The following DOCK10 variants were observed in gnomAD, a reference collection of about 807,000 sequenced individuals.
The protein encoded by DOCK10 is dedicator of cytokinesis protein 10.
DOCK10 carries 145 observed loss-of-function variants against 280.1 expected under a neutral mutation model. The ratio of observed to expected loss-of-function variants is 0.52; its 90% CI spans 0.45 to 0.59. The LOEUF (loss-of-function observed/expected upper bound fraction) is 0.59. Ranked by LOEUF, DOCK10 falls within the 20% of genes least tolerant of loss-of-function variation. DOCK10 has a pLI of 0.00. For missense variants in DOCK10, 2,368 were observed against 2,651.7 expected (o/e 0.89, Z 2.35); for synonymous variants, 915 against 942.2 (o/e 0.97, Z 0.53).
chr2:224,817,307 G>A (rs1437978783), intron 29 of DOCK10, among the ~76,000 whole-genome samples: 1 of 152,140 alleles, frequency 6.6e-6, no homozygotes, highest in African/African-American at 2.4e-5. Context: ...AAGTAACACA[G>A]GAGTCAAGAA....
intron 1 of DOCK10, among the ~76,000 whole-genome samples, chr2:224,980,567 G>A (rs929368190): frequency 3.3e-5 from 5 of 152,152 alleles, no homozygotes; most frequent in Admixed American, 2.6e-4. Context: ...TGTGAATTTT[G>A]GAGTGGCCCA....
At chr2:224,936,640 A>G (rs1702710183) in intron 1 of DOCK10, among the ~76,000 whole-genome samples, 1 of 152,194 alleles carries the variant, frequency 6.6e-6, no homozygotes, top group African/African-American at 2.4e-5. Flanking sequence ...TTGTTCAATA[A>G]AGTAGTAATA....
intron 25 of DOCK10, among the ~76,000 whole-genome samples, chr2:224,837,419 C>T (rs781654744): frequency 1.3e-5 from 2 of 152,200 alleles, no homozygotes; most frequent in Admixed American, 1.3e-4. Flanking sequence ...ATTCAACAAA[C>T]CAACAGGAAA....
chr2:224,994,127 A>G (rs1268711996), intron 1 of DOCK10, among the ~76,000 whole-genome samples: 4 of 152,230 alleles, frequency 2.6e-5, no homozygotes, highest in Non-Finnish European at 4.4e-5. Context: ...GATTTTTTAA[A>G]AGAGTAGCCT....
chr2:225,015,893 CAAAATGTCAACTAAATAAAAT>C (rs1689576990), intron 1 of DOCK10, among the ~76,000 whole-genome samples: 2 of 152,006 alleles, frequency 1.3e-5, no homozygotes, highest in South Asian at 2.1e-4. Context: ...GGGGGAATGT[CAAAATGTCAACTAAATAAAAT>C]AAAATGTTAC....
chr2:224,833,486 A>T (rs1341014535), intron 26 of DOCK10, among the ~76,000 whole-genome samples: 3 of 144,850 alleles, frequency 2.1e-5, no homozygotes, highest in South Asian at 2.2e-4. Flanking sequence ...TCGCCTTCAA[A>T]TTTTTTTTTT....
intron 1 of DOCK10, among the ~76,000 whole-genome samples, chr2:224,985,115 A>C (rs777029557): frequency 3.3e-5 from 5 of 152,168 alleles, no homozygotes; most frequent in Non-Finnish European, 7.4e-5. Flanking sequence ...TTGGCCTCCA[A>C]ACATCAAATG....
At chr2:224,859,716 A>G (rs1163829025) in intron 14 of DOCK10, among the ~76,000 whole-genome samples, 2 of 152,214 alleles carry the variant, frequency 1.3e-5, no homozygotes, top group African/African-American at 2.4e-5. Context: ...GCACACTGAA[A>G]TCTACACTGC....
intron 7 of DOCK10, among the ~76,000 whole-genome samples, chr2:224,878,998 G>C (rs1175085634): frequency 6.6e-6 from 1 of 152,204 alleles, no homozygotes; most frequent in East Asian, 1.9e-4. Context: ...CAATTAATCA[G>C]ACAAATGTGA....
At chr2:224,778,524 T>C (rs771426195) in intron 50 of DOCK10, 2 of 534,140 alleles carry the variant, frequency 3.7e-6, no homozygotes, top group Non-Finnish European at 6.7e-6. Flanking sequence ...TCATGAAATA[T>C]CTTACAAATA....
At chr2:224,858,595 A>C (rs1191321023) in intron 14 of DOCK10, among the ~76,000 whole-genome samples, 1 of 152,224 alleles carries the variant, frequency 6.6e-6, no homozygotes, top group East Asian at 1.9e-4. Context: ...CGAAGGTTGC[A>C]GTGAGCCGAG....
At chr2:225,001,283 AC>A (rs1468747087) in intron 1 of DOCK10, among the ~76,000 whole-genome samples, 10 of 145,138 alleles carry the variant, frequency 6.9e-5, no homozygotes, top group Admixed American at 6.7e-4. Flanking sequence ...ACAATATACA[AC>A]AGACCTTTTT....
chr2:224,849,418 TAGAG>T, intron 19 of DOCK10, 85 bp downstream of exon 19: 2 of 898,444 alleles, frequency 2.2e-6, no homozygotes, highest in Non-Finnish European at 1.8e-6. Context: ...TGATGAGGTC[TAGAG>T]AGAGTGTTTT....
At chr2:224,797,263 C>G in intron 42 of DOCK10, 117 bp from the exon 43 acceptor site, 1 of 731,158 alleles carries the variant, frequency 1.4e-6, no homozygotes, top group Non-Finnish European at 1.9e-6. Flanking sequence ...TTAACTTGGT[C>G]TATTTTTTTT....
At position 224,830,609 on chromosome 2, in the gene DOCK10, A is replaced by G; in HGVS notation, c.2968T>C (p.Ser990Pro). 6.6e-7 allele frequency: 1 copy of G among 1,519,732 alleles called. No individual in the cohort carries two copies. The highest frequency in any genetic ancestry group is 8.9e-7 in the Non-Finnish European group (1 of 1,128,792). 94.1% of individuals were successfully genotyped at this position (1,519,732 alleles called of 1,614,324 possible). A position where few individuals can be genotyped will look rare whatever the true frequency, so the allele number is the denominator to read the frequency against. ...AGGATAATTGCAAAGAAGAACCAGG[A>G]ATGCTGTTGGGAAAAAAAAGGCAAC... ...STTVKHVLKH[S>P]WFFFAIILKS... The change falls in exon 27 of 56, where the codon TCC becomes CCC. Residue 990 changes from serine to proline, a missense_variant. Ser to Pro is a moderately conservative substitution (Grantham distance 74). Around this residue, in one of 2 missense-constraint regions of DOCK10, gnomAD observed 1,209 missense variants for 1,250.9 expected, o/e 0.97. Coordinates refer to ENST00000258390, the MANE Select transcript of DOCK10 (RefSeq NM_014689.3).
At chr2:224,780,699 G>A (rs1443396372) in intron 50 of DOCK10, among the ~76,000 whole-genome samples, 3 of 151,954 alleles carry the variant, frequency 2.0e-5, no homozygotes, top group Non-Finnish European at 4.4e-5. Context: ...ACAAGAGATC[G>A]AGACCATCCT....
At chr2:224,873,010 C>A (rs1698384457) in intron 11 of DOCK10, among the ~76,000 whole-genome samples, 1 of 152,184 alleles carries the variant, frequency 6.6e-6, no homozygotes, top group Admixed American at 6.5e-5. Context: ...CATACATTAA[C>A]AATCTAGTGG....
intron 1 of DOCK10, among the ~76,000 whole-genome samples, chr2:224,984,130 C>T (rs78090792): frequency 0.024 from 3,602 of 151,520 alleles, 113 homozygotes; most frequent in East Asian, 0.088. Context: ...CAGGACATAT[C>T]TCTCTCCAAT....
intron 7 of DOCK10, among the ~76,000 whole-genome samples, chr2:224,885,246 C>A (rs541329747): frequency 1.3e-5 from 2 of 152,166 alleles, no homozygotes; most frequent in Non-Finnish European, 2.9e-5. Context: ...GTGATCCACC[C>A]GCCTTGGCCT....
Sources: gnomAD v4.1 joint callset for allele counts (sites outside exome capture counted in the v4.1 genomes callset) on GRCh38, gnomAD v4.1.1 for gene constraint, gnomAD v4.1.1 regional missense constraint, MANE v1.5 for transcripts, NCBI Gene and HGNC (gene_info 2026-07-23, HGNC 2026-07-21) for gene names.